Variants in TLE2 observed in about 807,000 individuals in gnomAD.
The protein encoded by TLE2 is transducin-like enhancer protein 2.
TLE2 carries 74 observed loss-of-function variants against 97.2 expected under a neutral mutation model. The observed-to-expected ratio is 0.76, with a 90% CI of 0.63 to 0.92. TLE2 has a LOEUF of 0.92. Among genes scored for constraint, TLE2 ranks in the 40% least tolerant of loss-of-function variants. The pLI is 0.00. For synonymous variants in TLE2, 499 were observed against 432.1 expected, an observed-to-expected ratio of 1.15 and a Z score of -1.92; for missense variants, 1,038 against 1,008.7, an observed-to-expected ratio of 1.03 and a Z score of -0.39.
intron 17 of TLE2, among the ~76,000 whole-genome samples, chr19:3,003,973 C>T (rs2089421898): frequency 6.6e-6 from 1 of 152,096 alleles, no homozygotes; most frequent in South Asian, 2.1e-4. Flanking sequence ...TCCCAAAGTG[C>T]TGAGATTACA....
intron 9 of TLE2, among the ~76,000 whole-genome samples, chr19:3,015,057 CCA>C (rs1491462443): frequency 0.013 from 294 of 22,730 alleles, 2 homozygotes; most frequent in Admixed American, 0.024. Flanking sequence ...AAATTCATTG[CCA>C]AAAAAAAAAA....
intron 1 of TLE2, among the ~76,000 whole-genome samples, chr19:3,043,572 C>T (rs944510907): frequency 6.7e-6 from 1 of 150,186 alleles, no homozygotes. Context: ...CCAAGACGAG[C>T]GGATCATTTG....
At chr19:3,025,522 C>T in intron 4 of TLE2, 1 of 996,148 alleles carries the variant, frequency 1.0e-6, no homozygotes, top group Non-Finnish European at 1.2e-6. Context: ...AGGCCCCTTT[C>T]TTGGTCTCCT....
chr19:3,008,959 A>AG lies in TLE2; in HGVS notation c.1174-15dup, dbSNP rs773668201. On this transcript the variant is annotated splice_polypyrimidine_tract_variant and intron_variant, in intron 13 of 19. Transcript: ENST00000262953. ...CTCAAATGCCATCTGTGAGAATGCC[A>AG]GGGGGGTGTCAGTGAGGCAGGTGAC... The AG allele has an allele frequency of 3.8e-6, 6 of 1,567,542 alleles. No homozygotes were observed. In the South Asian group the frequency reaches 5.9e-5, roughly 15 times the overall value.
upstream of TLE2, among the ~76,000 whole-genome samples, chr19:3,030,173 GA>G (rs1197220273): frequency 5.9e-5 from 9 of 152,160 alleles, no homozygotes; most frequent in Non-Finnish European, 1.3e-4. Context: ...CCACAGATGG[GA>G]ATTGTGTTCC....
At chr19:3,022,922 G>T (rs2089873168) in intron 5 of TLE2, among the ~76,000 whole-genome samples, 1 of 152,212 alleles carries the variant, frequency 6.6e-6, no homozygotes, top group South Asian at 2.1e-4. Context: ...ATGTACATGA[G>T]TGGGCGTGGC....
rs1161220892 is a variant in TLE2, at chr19:2,997,829, C to G, written c.*19G>C. 1.9e-6 allele frequency: 3 copies of G among 1,570,428 alleles called. No individual in the cohort carries two copies. Among genetic ancestry groups the G allele is most frequent in the Middle Eastern group, 1.7e-4 (1 of 5,990 alleles). On this transcript the variant is annotated 3_prime_UTR_variant, in exon 20 of 20. Coordinates refer to ENST00000262953, the MANE Select transcript of TLE2 (RefSeq NM_003260.5). ...CCCCTGGGAGTCTGGACTTCGGGTA[C>G]AGGAAGGGGGGTCATGTCTCAGTAG...
At chr19:3,009,870 C>T (rs1373544075) in intron 12 of TLE2, among the ~76,000 whole-genome samples, 168 bp from the exon 13 acceptor site, 1 of 135,570 alleles carries the variant, frequency 7.4e-6, no homozygotes. Flanking sequence ...CTCCAGTGGA[C>T]ACGACTTTCT....
At position 3,006,433 on chromosome 19, in the gene TLE2, T is replaced by A. The variant is rs2089479940; in HGVS notation, c.1487A>T (p.Gln496Leu). ...GQPGAKTPVA[Q>L]LDCLNRDNYI... ...CCCCGCCCTCACCAGGCAGTCGAGC[T>A]GGGCCACGGGCGTCTTGGCCCCAGG... Residue 496 changes from glutamine (Q) to leucine (L), a missense_variant, in exon 15 of 20, where the codon CAG becomes CTG. Physicochemically the swap from Gln to Leu is moderately radical, Grantham distance 113. Transcript: ENST00000262953. The A allele has an allele frequency of 1.2e-6, 2 of 1,610,272 alleles. No homozygotes were observed. The highest frequency in any genetic ancestry group is 2.2e-4 in the Middle Eastern group (1 of 4,540).
At chr19:2,999,346 C>T (rs1035331456) in intron 19 of TLE2, among the ~76,000 whole-genome samples, 9 of 151,850 alleles carry the variant, frequency 5.9e-5, no homozygotes, top group African/African-American at 9.7e-5. Context: ...CCAACCAGGA[C>T]GGGCATATTA....
At chr19:3,042,816 T>C (rs535651467) in intron 1 of TLE2, among the ~76,000 whole-genome samples, 1 of 152,168 alleles carries the variant, frequency 6.6e-6, no homozygotes, top group Non-Finnish European at 1.5e-5. Flanking sequence ...CATATTCGAC[T>C]TAACAATTTA....
chr19:3,034,553 G>C (rs1654677), intron 1 of TLE2, among the ~76,000 whole-genome samples: 1,824 of 150,858 alleles, frequency 0.012, 42 homozygotes, highest in African/African-American at 0.04. Flanking sequence ...TCTCTTCCTG[G>C]AATTCCCTCC....
chr19:3,029,418 T>C (rs957666867), upstream of TLE2: 11 of 814,256 alleles, frequency 1.4e-5, no homozygotes, highest in Non-Finnish European at 1.5e-5. Flanking sequence ...CCCCCTTCCT[T>C]CAGTCCCTGG....
At chr19:3,026,848 C>A (rs2089954314) in intron 4 of TLE2, among the ~76,000 whole-genome samples, 1 of 152,058 alleles carries the variant, frequency 6.6e-6, no homozygotes, top group East Asian at 1.9e-4. Context: ...TATCTCAGAA[C>A]CTTGAGGTCT....
chr19:3,027,707 T>C (rs2089968708), intron 4 of TLE2, 122 bp downstream of exon 4: 7 of 976,208 alleles, frequency 7.2e-6, no homozygotes, highest in Non-Finnish European at 1.1e-5. Flanking sequence ...TCTGCGGAGA[T>C]TTCAGGATGA....
In TLE2 at chr19:3,042,586, A is replaced by G. The variant is rs578166445; in HGVS notation, c.63+3140T>C. Among the ~76,000 whole-genome samples, 23 of 151,422 alleles carry G rather than the reference A, an allele frequency of 1.5e-4. No homozygotes were observed. The South Asian group carries it at 4.6e-3, about 30-fold the overall frequency. ...GAAGGACAGAGGGAGAAGCCCAGAG[A>G]TGGCAGAAAGAGGGAGACGAGACCA... On this transcript the variant is annotated intron_variant, in intron 1 of 18. Coordinates refer to the TLE2 transcript ENST00000426948.
chr19:3,008,101 A>T (rs1042440273), intron 14 of TLE2, among the ~76,000 whole-genome samples: 19 of 152,180 alleles, frequency 1.2e-4, no homozygotes, highest in Admixed American at 9.2e-4. Flanking sequence ...AACAAAACAA[A>T]ACAAAACTTT....
intron 5 of TLE2, 49 bp downstream of exon 5, chr19:3,024,971 C>A (rs2089915830): frequency 6.6e-7 from 1 of 1,512,260 alleles, no homozygotes; most frequent in Non-Finnish European, 9.0e-7. Context: ...CCCCTCCCGT[C>A]TTCTTCCGGC....
In TLE2 at chr19:2,998,800, G is replaced by A. The variant is rs1185539185; in HGVS notation, c.2125-845C>T. Among the ~76,000 whole-genome samples, 4 of 152,288 alleles carry A rather than the reference G, an allele frequency of 2.6e-5. No individual in the cohort carries two copies. The South Asian group carries it at 8.3e-4, about 32-fold the overall frequency. On this transcript the variant is annotated intron_variant, in intron 19 of 19. Coordinates refer to ENST00000262953, the MANE Select transcript of TLE2 (RefSeq NM_003260.5). ...CCATTCCCTCAATACCAAGAGAGAT[G>A]GAACTGAAGTGCTGCCCTTTCTGGA...
Sources: allele counts gnomAD v4.1 joint callset (sites outside exome capture counted in the v4.1 genomes callset), GRCh38; gene constraint gnomAD v4.1.1; transcripts MANE v1.5; gene names NCBI Gene and HGNC (gene_info 2026-07-23, HGNC 2026-07-21).